The following CSNK1A1 variants were observed in gnomAD, a reference collection of about 807,000 sequenced individuals.
CSNK1A1 encodes casein kinase 1 alpha 1.
In CSNK1A1, 7 loss-of-function variants were observed where a neutral mutation model predicts 46.1. That is an observed-to-expected ratio of 0.15 (90% CI 0.09 to 0.29). The LOEUF is 0.29. CSNK1A1 is among the 10% of genes least tolerant of loss of function. The probability of loss-of-function intolerance (pLI) is 1.00; values close to 1 mark genes in which losing one functional copy is unlikely to be tolerated. For synonymous variants in CSNK1A1, 137 were observed against 141.5 expected (o/e 0.97, Z 0.23); for missense variants, 96 against 417.1 (o/e 0.23, Z 6.71).
At chr5:149,542,165 T>A (rs1046173652) in intron 2 of CSNK1A1, among the ~76,000 whole-genome samples, 7 of 151,738 alleles carry the variant, frequency 4.6e-5, no homozygotes, top group Admixed American at 2.0e-4. Context: ...TAGATTCTCA[T>A]AGGAACGCAA....
chr5:149,541,199 C>A (rs184471814), intron 2 of CSNK1A1, among the ~76,000 whole-genome samples: 54 of 148,830 alleles, frequency 3.6e-4, no homozygotes, highest in African/African-American at 5.0e-4. Context: ...GTCACCCAGG[C>A]CAGAGTGCAG....
chr5:149,529,260 T>C (rs188184916), intron 2 of CSNK1A1, among the ~76,000 whole-genome samples: 94 of 149,424 alleles, frequency 6.3e-4, no homozygotes, highest in African/African-American at 2.4e-3. Context: ...AATGAGTTCA[T>C]AATTTACACA....
At chr5:149,545,335 G>C in intron 2 of CSNK1A1, 2 of 365,408 alleles carry the variant, frequency 5.5e-6, no homozygotes, top group Non-Finnish European at 1.0e-5. Flanking sequence ...CGGCAGCCCA[G>C]GGGGGTTGCA....
chr5:149,520,554 A>G (rs1471109342), intron 3 of CSNK1A1, among the ~76,000 whole-genome samples, 166 bp from the exon 4 acceptor site: 1 of 152,172 alleles, frequency 6.6e-6, no homozygotes, highest in South Asian at 2.1e-4. Flanking sequence ...AGGTTAATGG[A>G]TATCTAAGCA....
In CSNK1A1 at chr5:149,496,484, G is replaced by T; in HGVS notation, c.*369C>A. The T allele has an allele frequency of 4.6e-6, 1 of 215,442 alleles. No homozygotes were observed. The allele number at this position is 215,442 out of a possible 1,614,324, so 13.3% of individuals were successfully genotyped here. ...ACTGTTCATGCCGTTCTTCTGAAAT[G>T]AGATCTCAAAGCAGTATAGTTCAAA... On this transcript the variant is annotated 3_prime_UTR_variant, in exon 10 of 10. Transcript: ENST00000377843.
At chr5:149,499,446 G>A (rs1004509156) in intron 9 of CSNK1A1, among the ~76,000 whole-genome samples, 2 of 151,942 alleles carry the variant, frequency 1.3e-5, no homozygotes, top group Non-Finnish European at 2.9e-5. Flanking sequence ...ATCCCTGCCC[G>A]CCACCCAATC....
At chr5:149,496,943 G>A (rs1166127445) in intron 9 of CSNK1A1, 83 bp from the exon 10 acceptor site, 3 of 1,507,742 alleles carry the variant, frequency 2.0e-6, no homozygotes, top group Non-Finnish European at 2.6e-6. Flanking sequence ...AAATTGGGTG[G>A]AACTGAGCCA....
At chr5:149,522,661 ACTTACAC>A (rs1406642303) in intron 3 of CSNK1A1, among the ~76,000 whole-genome samples, 1 of 152,220 alleles carries the variant, frequency 6.6e-6, no homozygotes, top group Non-Finnish European at 1.5e-5. Flanking sequence ...GGCTTGAACA[ACTTACAC>A]CTGTTACCTG....
At chr5:149,497,332 T>C (rs1283032363) in intron 9 of CSNK1A1, 3 of 987,076 alleles carry the variant, frequency 3.0e-6, no homozygotes, top group African/African-American at 1.7e-5. Flanking sequence ...ATCTGTATTA[T>C]TTTACTAAAC....
In CSNK1A1 at chr5:149,517,940, G is replaced by A. The variant is rs1053655567; in HGVS notation, c.456+2350C>T. ...TATTGCTTACATTGCAACAATGGCC[G>A]GCGCAGACAGGCAACACCGAGGCAT... On this transcript the variant is annotated intron_variant, in intron 4 of 9. Transcript: ENST00000377843. This position sits in a 1 kb window ranked among gnomAD's most constrained non-coding sequence, Gnocchi z 4.4. The A allele has an allele frequency of 2.2e-5, 22 of 1,003,292 alleles. No homozygotes were observed. The highest frequency in any genetic ancestry group is 2.8e-5 in the Non-Finnish European group (18 of 646,906). 62.1% of individuals were successfully genotyped at this position (1,003,292 alleles called of 1,614,324 possible). A position where few individuals can be genotyped will look rare whatever the true frequency, so the allele number is the denominator to read the frequency against.
intron 9 of CSNK1A1, chr5:149,499,073 A>T: frequency 2.0e-6 from 2 of 985,432 alleles, no homozygotes; most frequent in Non-Finnish European, 2.4e-6. Context: ...TTCTCCAGTG[A>T]ATTGTCCTAA....
intron 5 of CSNK1A1, 61 bp downstream of exon 5, chr5:149,513,009 C>T: frequency 1.3e-6 from 2 of 1,587,328 alleles, no homozygotes; most frequent in Non-Finnish European, 1.7e-6. Flanking sequence ...TAAAATATTT[C>T]AAAAACCCAT....
At chr5:149,510,098 A>G (rs376320641) in intron 6 of CSNK1A1, 145 bp from the exon 7 acceptor site, 3 of 521,808 alleles carry the variant, frequency 5.7e-6, no homozygotes, top group African/African-American at 1.9e-5. Flanking sequence ...AGTATAATAC[A>G]TCTAAAAAAA....
chr5:149,496,921 C>T lies in CSNK1A1; in HGVS notation c.1007-61G>A, dbSNP rs575499750. 60 of 1,523,210 alleles carry T rather than the reference C, an allele frequency of 3.9e-5. 1 individual carries two copies. In the African/African-American group the frequency reaches 6.8e-4, roughly 17 times the overall value. The allele number at this position is 1,523,210 out of a possible 1,614,324, so 94.4% of individuals were successfully genotyped here. On this transcript the variant is annotated intron_variant, in intron 9 of 9. Transcript: ENST00000377843. ...TCCAAGTCAAAAATTTTAAATTACA[C>T]CCAAAATATGGAAATTGGGTGGAAC...
chr5:149,507,867 T>C (rs1761086843), intron 7 of CSNK1A1, among the ~76,000 whole-genome samples: 2 of 152,198 alleles, frequency 1.3e-5, no homozygotes, highest in Admixed American at 6.5e-5. Context: ...ATTCTAATTT[T>C]TCTCTATTAT....
At chr5:149,543,702 GAC>G (rs750544932) in intron 2 of CSNK1A1, among the ~76,000 whole-genome samples, 3 of 152,086 alleles carry the variant, frequency 2.0e-5, no homozygotes, top group Non-Finnish European at 2.9e-5. Context: ...TTGACCTTCA[GAC>G]ACAGAGGGCA....
chr5:149,520,070 A>C (rs932545038), intron 4 of CSNK1A1, among the ~76,000 whole-genome samples: 6 of 152,234 alleles, frequency 3.9e-5, no homozygotes, highest in Non-Finnish European at 5.9e-5. Context: ...TTATATTTCC[A>C]TATAGGTAAC....
intron 4 of CSNK1A1, among the ~76,000 whole-genome samples, chr5:149,519,562 A>C (rs1761504687): frequency 6.6e-6 from 1 of 152,174 alleles, no homozygotes; most frequent in East Asian, 1.9e-4. Flanking sequence ...TTAGTTTCTA[A>C]CTGCAATCAT....
rs1175890626 is a variant in CSNK1A1, at chr5:149,517,829, T to A, written c.456+2461A>T. 6.2e-7 allele frequency: 1 copy of A among 1,606,894 alleles called. No individual in the cohort carries two copies. The highest frequency in any genetic ancestry group is 1.7e-5 in the Admixed American group (1 of 59,066). Reference sequence around the variant, plus strand: ...CCTGAGAAAGATGGGTCCTGAGAAGTACTAACAGTCATGCTTCTTTTCCTC... The same window carrying A: ...CCTGAGAAAGATGGGTCCTGAGAAGAACTAACAGTCATGCTTCTTTTCCTC... On this transcript the variant is annotated intron_variant, in intron 4 of 9. Coordinates refer to ENST00000377843, the MANE Select transcript of CSNK1A1 (RefSeq NM_001892.6). The surrounding 1 kb of genome is among the most constrained non-coding windows in gnomAD (Gnocchi z 4.4).
Sources: allele counts gnomAD v4.1 joint callset (sites outside exome capture counted in the v4.1 genomes callset), GRCh38; gene constraint gnomAD v4.1.1; non-coding constraint Gnocchi (gnomAD v3.1); transcripts MANE v1.5; gene names NCBI Gene and HGNC (gene_info 2026-07-23, HGNC 2026-07-21).